DLG2: variants seen among roughly 807,000 people sequenced by gnomAD.
DLG2 encodes the protein disks large homolog 2.
In DLG2, 45 loss-of-function variants were observed where a neutral mutation model predicts 132.5. The observed-to-expected ratio is 0.34, with a 90% CI of 0.27 to 0.44. The LOEUF is 0.44. Ranked by LOEUF, DLG2 falls within the 20% of genes least tolerant of loss-of-function variation. The pLI is 1.00. For missense variants in DLG2, 1,045 were observed against 1,196.9 expected (o/e 0.87, Z 1.87); for synonymous variants, 424 against 419.6 (o/e 1.01, Z -0.13).
In DLG2 at chr11:85,484,114, G is replaced by A. The variant is rs1474027480; in HGVS notation, c.40+114543C>T. On this transcript the variant is annotated intron_variant, in intron 3 of 27. Coordinates refer to ENST00000376104, the MANE Select transcript of DLG2 (RefSeq NM_001142699.3). Reference sequence around the variant, plus strand: ...AAAGAACTTTGAAGAGAGAGTACAAGAGGGCGTGAAACCGTTAAGAGGTAA... The same window carrying A: ...AAAGAACTTTGAAGAGAGAGTACAAAAGGGCGTGAAACCGTTAAGAGGTAA... Among the ~76,000 whole-genome samples, 2 of 151,910 alleles carry A rather than the reference G, an allele frequency of 1.3e-5. 1 individual carries two copies. Among genetic ancestry groups the A allele is most frequent in the Admixed American group, 1.3e-4 (2 of 15,256 alleles).
chr11:83,743,429 A>ATTTTCTTTTTTTTTTTTTTTT (rs374206299), intron 18 of DLG2, among the ~76,000 whole-genome samples: 3 of 103,790 alleles, frequency 2.9e-5, no homozygotes, highest in Admixed American at 9.8e-5. Flanking sequence ...TGGGCAGGCC[A>ATTTTCTTTTTTTTTTTTTTTT]TTTTTTTTTT....
chr11:83,722,977 T>G (rs1429264686), intron 18 of DLG2, among the ~76,000 whole-genome samples: 6 of 152,194 alleles, frequency 3.9e-5, no homozygotes. Context: ...TTATGGCCCC[T>G]ACCAGAAAGA....
In DLG2 at chr11:85,497,455, G is replaced by C. The variant is rs1230289462; in HGVS notation, c.40+101202C>G. 2.6e-5 allele frequency among the ~76,000 whole-genome samples: 4 copies of C among 152,106 alleles called. 1 individual carries two copies. The highest frequency in any genetic ancestry group is 2.9e-5 in the Non-Finnish European group (2 of 68,028). ...AACAGGCCAAATCTACAGTTGACTG[G>C]TGTACTGGAAAATGACTGGGAGAAT... On this transcript the variant is annotated intron_variant, in intron 3 of 27. Transcript: ENST00000376104.
chr11:83,874,730 G>A (rs1409108737), intron 15 of DLG2, among the ~76,000 whole-genome samples: 3 of 151,842 alleles, frequency 2.0e-5, no homozygotes, highest in East Asian at 3.9e-4. Context: ...CATTTTAATC[G>A]GTCCTATTGT....
rs372051237 is a variant in DLG2 at position 85,407,762 on chromosome 11, G to A, written c.41-122397C>T. On this transcript the variant is annotated intron_variant, in intron 3 of 27. Transcript: ENST00000376104. ...AATTGTCCCACCCAAGAAGCAGGGA[G>A]ATGGAATAATACTTATACTCCAAGT... Among the ~76,000 whole-genome samples the A allele has an allele frequency of 1.4e-4, 21 of 151,952 alleles. No individual in the cohort carries two copies. In the East Asian group the frequency reaches 2.1e-3, roughly 15 times the overall value.
At chr11:85,569,656 A>G (rs1455054195) in intron 3 of DLG2, among the ~76,000 whole-genome samples, 1 of 152,178 alleles carries the variant, frequency 6.6e-6, no homozygotes, top group Admixed American at 6.6e-5. Flanking sequence ...TGGAAATTAA[A>G]ACCACAATGA....
chr11:84,176,441 T>A (rs566403575), intron 8 of DLG2, among the ~76,000 whole-genome samples: 1 of 151,174 alleles, frequency 6.6e-6, no homozygotes, highest in East Asian at 1.9e-4. Context: ...TATATTCACA[T>A]ACGTATATGC....
chr11:83,933,378 C>T (rs2080774240), intron 14 of DLG2, among the ~76,000 whole-genome samples: 1 of 152,206 alleles, frequency 6.6e-6, no homozygotes, highest in Non-Finnish European at 1.5e-5. Context: ...GATATTGGTA[C>T]AATCTCTAAG....
intron 6 of DLG2, among the ~76,000 whole-genome samples, chr11:84,865,730 G>A (rs1030119698): frequency 6.6e-5 from 10 of 152,144 alleles, no homozygotes; most frequent in African/African-American, 2.4e-4. Context: ...AATCTTCAAT[G>A]CTCTTATATG....
intron 6 of DLG2, among the ~76,000 whole-genome samples, chr11:84,847,108 C>T (rs111301121): frequency 6.6e-6 from 1 of 152,054 alleles, no homozygotes; most frequent in African/African-American, 2.4e-5. Flanking sequence ...GTCATTATAT[C>T]CACATAGCAA....
At chr11:84,787,883 G>A (rs2073175894) in intron 6 of DLG2, among the ~76,000 whole-genome samples, 1 of 151,210 alleles carries the variant, frequency 6.6e-6, no homozygotes, top group African/African-American at 2.4e-5. Context: ...TGGATCACTT[G>A]AGGCTAGGAG....
At chr11:83,654,463 T>C (rs944824857) in intron 18 of DLG2, among the ~76,000 whole-genome samples, 1 of 152,246 alleles carries the variant, frequency 6.6e-6, no homozygotes, top group Admixed American at 6.5e-5. Context: ...ATGGTTCTTC[T>C]GTCTTGACAT....
At chr11:83,814,390 T>C (rs1034821673) in intron 17 of DLG2, among the ~76,000 whole-genome samples, 3 of 152,184 alleles carry the variant, frequency 2.0e-5, no homozygotes, top group African/African-American at 7.2e-5. Context: ...TCAAAAGGTT[T>C]ATATATAATC....
At chr11:84,560,328 G>C (rs1453204714) in intron 6 of DLG2, among the ~76,000 whole-genome samples, 1 of 152,092 alleles carries the variant, frequency 6.6e-6, no homozygotes, top group Non-Finnish European at 1.5e-5. Context: ...ATTAATTCAA[G>C]TGAATAACTC....
At chr11:83,489,694 A>ACTT (rs1427549079) in intron 21 of DLG2, among the ~76,000 whole-genome samples, 1 of 150,486 alleles carries the variant, frequency 6.6e-6, no homozygotes, top group Non-Finnish European at 1.5e-5. Flanking sequence ...GGGATGTAGT[A>ACTT]CTTATGTACC....
intron 7 of DLG2, among the ~76,000 whole-genome samples, chr11:84,528,893 G>A (rs138280894): frequency 3.4e-4 from 52 of 152,244 alleles, no homozygotes; most frequent in Middle Eastern, 3.4e-3. Flanking sequence ...AAATGCTAGT[G>A]CTTGAATCTG....
chr11:85,120,963 C>T (rs778759398), intron 5 of DLG2, among the ~76,000 whole-genome samples: 2 of 152,028 alleles, frequency 1.3e-5, no homozygotes, highest in Admixed American at 1.3e-4. Flanking sequence ...ATCTTAACCA[C>T]AGAATAACGT....
intron 11 of DLG2, among the ~76,000 whole-genome samples, chr11:84,012,522 T>A (rs1378983576): frequency 2.0e-5 from 3 of 152,174 alleles, no homozygotes; most frequent in African/African-American, 7.2e-5. Context: ...ATCTTTGGAA[T>A]ATAGTTGGCA....
At chr11:84,851,907 G>T (rs937420802) in intron 6 of DLG2, among the ~76,000 whole-genome samples, 7 of 151,740 alleles carry the variant, frequency 4.6e-5, no homozygotes, top group African/African-American at 1.7e-4. Context: ...TAAACATGAA[G>T]TAAAATTGGG....
Sources: allele counts gnomAD v4.1 joint callset (sites outside exome capture counted in the v4.1 genomes callset), GRCh38; gene constraint gnomAD v4.1.1; transcripts MANE v1.5; gene names NCBI Gene and HGNC (gene_info 2026-07-23, HGNC 2026-07-21).